SYNRG: variants seen among roughly 807,000 people sequenced by gnomAD.
The protein encoded by SYNRG is AP1 gamma subunit binding protein 1.
In SYNRG, 37 loss-of-function variants were observed where a neutral mutation model predicts 130.9. That is an observed-to-expected ratio of 0.28 (90% CI 0.22 to 0.37). The LOEUF (loss-of-function observed/expected upper bound fraction) is 0.37, where lower values mean the gene tolerates loss of function less well. Among genes scored for constraint, SYNRG ranks in the 10% least tolerant of loss-of-function variants. SYNRG has a pLI of 1.00. For missense variants in SYNRG, 1,338 were observed against 1,588.9 expected, an observed-to-expected ratio of 0.84 and a Z score of 2.68; for synonymous variants, 539 against 568.1, an observed-to-expected ratio of 0.95 and a Z score of 0.73.
chr17:37,567,785 G>A (rs894149730), intron 11 of SYNRG: 1 of 152,126 alleles, frequency 6.6e-6, no homozygotes, highest in East Asian at 1.9e-4. Context: ...TGCATAAACA[G>A]GAACAGAGGA....
At chr17:37,574,988 T>A (rs548838421) in intron 8 of SYNRG, among the ~76,000 whole-genome samples, 22 of 152,306 alleles carry the variant, frequency 1.4e-4, no homozygotes, top group African/African-American at 5.1e-4. Flanking sequence ...TGAGATCCTG[T>A]CATTTCCAAC....
intron 2 of SYNRG, among the ~76,000 whole-genome samples, chr17:37,598,702 A>G (rs1380756411): frequency 6.8e-6 from 1 of 147,844 alleles, no homozygotes. Flanking sequence ...AGTCCATTCT[A>G]ACAACTGTTA....
At position 37,553,097 on chromosome 17, in the gene SYNRG, A is replaced by T; in HGVS notation, c.2608+18T>A. 2 of 1,603,730 alleles carry T rather than the reference A, an allele frequency of 1.2e-6. No homozygotes were observed. The highest frequency in any genetic ancestry group is 1.7e-6 in the Non-Finnish European group (2 of 1,176,380). ...AATCTACAACACCATCACCAGAGCA[A>T]TCTCACCAATTCCTCACCTGCAGCA... On this transcript the variant is annotated intron_variant, in intron 14 of 21. Transcript: ENST00000612223.
At chr17:37,597,373 T>C (rs961522366) in intron 2 of SYNRG, among the ~76,000 whole-genome samples, 1 of 152,224 alleles carries the variant, frequency 6.6e-6, no homozygotes, top group Admixed American at 6.5e-5. Context: ...AATAAAATGT[T>C]TACTTTTTAA....
Position 37,585,307 on chromosome 17 carries a change from G to C in SYNRG, c.477+18C>G. 6.9e-6 allele frequency: 11 copies of C among 1,594,538 alleles called. No individual in the cohort carries two copies. Among genetic ancestry groups the C allele is most frequent in the Non-Finnish European group, 5.1e-6 (6 of 1,165,632 alleles). ...AGGGTGTGTATGTTCTGGGTGAAGA[G>C]AAGTATTGAAATACTACCTTGGGTT... On this transcript the variant is annotated intron_variant, in intron 5 of 21. Coordinates refer to ENST00000612223, the MANE Select transcript of SYNRG (RefSeq NM_007247.6).
chr17:37,523,593 G>C (rs1013912147), intron 19 of SYNRG, among the ~76,000 whole-genome samples: 1 of 152,122 alleles, frequency 6.6e-6, no homozygotes, highest in Non-Finnish European at 1.5e-5. Context: ...TCTCAGGTGG[G>C]AGCCTAGAAG....
chr17:37,536,643 A>C (rs2057221362), intron 18 of SYNRG: 1 of 152,838 alleles, frequency 6.5e-6, no homozygotes, highest in Admixed American at 6.5e-5. Context: ...CTAAATGTTA[A>C]TAGCATCACA....
In SYNRG at chr17:37,569,010, C is replaced by T. The variant is rs1376117924; in HGVS notation, c.1348-86G>A. The T allele has an allele frequency of 4.1e-6, 6 of 1,465,178 alleles. No individual in the cohort carries two copies. In the African/African-American group the frequency reaches 7.1e-5, roughly 17 times the overall value. The allele number at this position is 1,465,178 out of a possible 1,614,324, so 90.8% of individuals were successfully genotyped here. On this transcript the variant is annotated intron_variant, in intron 10 of 21. Transcript: ENST00000612223. ...ATCAAAAGTCAATCTCAAAGACTGC[C>T]TTTAAAATTTCTCAGTTTAGATACA...
At chr17:37,599,624 G>A (rs1445246336) in intron 2 of SYNRG, among the ~76,000 whole-genome samples, 1 of 152,164 alleles carries the variant, frequency 6.6e-6, no homozygotes, top group East Asian at 1.9e-4. Context: ...GGGAAGCTGA[G>A]GTGGGAGGAA....
chr17:37,597,622 C>T (rs2062893350), intron 2 of SYNRG, among the ~76,000 whole-genome samples: 1 of 152,328 alleles, frequency 6.6e-6, no homozygotes, highest in East Asian at 1.9e-4. Context: ...CACAAAATAG[C>T]CATCAGCATG....
intron 5 of SYNRG, 83 bp from the exon 6 acceptor site, chr17:37,584,842 T>G: frequency 9.9e-7 from 1 of 1,014,416 alleles, no homozygotes; most frequent in South Asian, 1.6e-5. Context: ...AAAGCACAGA[T>G]ATTCATCTAT....
intron 3 of SYNRG, among the ~76,000 whole-genome samples, chr17:37,590,709 T>C (rs2062098404): frequency 6.6e-6 from 1 of 151,988 alleles, no homozygotes; most frequent in Admixed American, 6.6e-5. Flanking sequence ...TTGCTTGAGG[T>C]CAGGAGTTCG....
intron 1 of SYNRG, among the ~76,000 whole-genome samples, chr17:37,607,977 A>AAAAAAAAAAAAG (rs1555802869): frequency 8.2e-6 from 1 of 121,608 alleles, no homozygotes; most frequent in African/African-American, 3.5e-5. Context: ...AAAAAAAAAA[A>AAAAAAAAAAAAG]AAACAAGACA....
chr17:37,565,634 G>C (rs2059888893), intron 11 of SYNRG, among the ~76,000 whole-genome samples: 1 of 151,756 alleles, frequency 6.6e-6, no homozygotes, highest in Admixed American at 6.6e-5. Flanking sequence ...CATCTAGGAA[G>C]TGAGGAGCGT....
chr17:37,584,003 T>C (rs776668790), intron 6 of SYNRG, among the ~76,000 whole-genome samples: 3 of 152,204 alleles, frequency 2.0e-5, no homozygotes, highest in East Asian at 1.9e-4. Context: ...GCTTGAAATG[T>C]TGAATTTTTA....
intron 14 of SYNRG, among the ~76,000 whole-genome samples, chr17:37,547,555 C>G (rs144015411): frequency 1.3e-5 from 2 of 151,784 alleles, no homozygotes; most frequent in Non-Finnish European, 1.5e-5. Context: ...CTCCACCTCA[C>G]AGGTTCAAGC....
intron 6 of SYNRG, among the ~76,000 whole-genome samples, chr17:37,581,598 T>G (rs970640818): frequency 6.6e-6 from 1 of 151,408 alleles, no homozygotes; most frequent in African/African-American, 2.4e-5. Context: ...TTTGTTTTTG[T>G]TTTTTGGAGA....
intron 1 of SYNRG, among the ~76,000 whole-genome samples, chr17:37,602,959 G>A (rs1242020662): frequency 6.6e-6 from 1 of 152,198 alleles, no homozygotes; most frequent in Non-Finnish European, 1.5e-5. Flanking sequence ...AGGAGGCGGA[G>A]GTTGCAGTGA....
intron 2 of SYNRG, among the ~76,000 whole-genome samples, chr17:37,598,942 T>C (rs1409546356): frequency 1.3e-5 from 2 of 152,216 alleles, no homozygotes; most frequent in African/African-American, 2.4e-5. Flanking sequence ...TAATTACAGA[T>C]AGCTTAAATA....
Sources: gnomAD v4.1 joint callset for allele counts (sites outside exome capture counted in the v4.1 genomes callset) on GRCh38, gnomAD v4.1.1 for gene constraint, MANE v1.5 for transcripts, NCBI Gene and HGNC (gene_info 2026-07-23, HGNC 2026-07-21) for gene names.